FAM227B: variants seen among roughly 807,000 people sequenced by gnomAD.
FAM227B encodes protein FAM227B.
Under a neutral mutation model 73.8 loss-of-function variants are expected in FAM227B, and 88 were observed. That is an observed-to-expected ratio of 1.19 (90% CI 1.00 to 1.42). The LOEUF (loss-of-function observed/expected upper bound fraction) is 1.42. Among genes scored for constraint, FAM227B ranks in the 40% most tolerant of loss-of-function variants. The pLI is 0.00. For synonymous variants in FAM227B, 210 were observed against 190.5 expected, an observed-to-expected ratio of 1.10 and a Z score of -0.84; for missense variants, 632 against 590.9, an observed-to-expected ratio of 1.07 and a Z score of -0.72.
intron 11 of FAM227B, among the ~76,000 whole-genome samples, chr15:49,428,947 C>T (rs1170865234): frequency 6.6e-6 from 1 of 152,028 alleles, no homozygotes; most frequent in African/African-American, 2.4e-5. Context: ...CTGAATTTGA[C>T]TTTGGCTACA....
intron 11 of FAM227B, among the ~76,000 whole-genome samples, chr15:49,468,128 T>A (rs1376279599): frequency 6.6e-6 from 1 of 152,178 alleles, no homozygotes; most frequent in Non-Finnish European, 1.5e-5. Flanking sequence ...TCTTAATAAA[T>A]CCCTGAATGA....
intron 9 of FAM227B, among the ~76,000 whole-genome samples, chr15:49,550,365 C>T (rs1487286454): frequency 2.3e-4 from 34 of 147,638 alleles, no homozygotes; most frequent in Admixed American, 6.0e-4. Flanking sequence ...CCGGACGGGG[C>T]GGCTGGCCTG....
At chr15:49,590,039 TAA>T (rs2076430190) in intron 3 of FAM227B, 32 bp from the exon 4 acceptor site, 1 of 1,096,478 alleles carries the variant, frequency 9.1e-7, no homozygotes, top group Non-Finnish European at 1.4e-6. Flanking sequence ...GAATATAGCT[TAA>T]GTCATTTTTA....
chr15:49,355,062 A>G (rs1204085082), intron 13 of FAM227B, among the ~76,000 whole-genome samples: 2 of 150,932 alleles, frequency 1.3e-5, no homozygotes, highest in Admixed American at 6.6e-5. Context: ...ACAAACAGAA[A>G]GGACATCCAC....
Position 49,494,256 on chromosome 15 carries a change from A to AACACACACACAC in FAM227B, c.1012+13943_1012+13954dup, listed in dbSNP as rs374477211. ...CTATTGCCTTAGTGGGAGACACACA[A>AACACACACACAC]ACACACACACACACACACACACACA... On this transcript the variant is annotated intron_variant, in intron 11 of 15. Coordinates refer to ENST00000299338, the MANE Select transcript of FAM227B (RefSeq NM_152647.3). 2.6e-3 allele frequency among the ~76,000 whole-genome samples: 366 copies of AACACACACACAC among 140,710 alleles called. 1 individual carries two copies. Among genetic ancestry groups the AACACACACACAC allele is most frequent in the African/African-American group, 8.8e-3 (344 of 39,078 alleles). 92.3% of individuals were successfully genotyped at this position (140,710 alleles called of 152,430 possible).
chr15:49,333,293 CTT>C (rs2039133790), intron 14 of FAM227B, among the ~76,000 whole-genome samples: 1 of 152,128 alleles, frequency 6.6e-6, no homozygotes, highest in African/African-American at 2.4e-5. Flanking sequence ...ATGAGTATCT[CTT>C]TTGAAGATTA....
intron 13 of FAM227B, among the ~76,000 whole-genome samples, chr15:49,357,573 A>G (rs903914492): frequency 6.6e-6 from 1 of 151,478 alleles, no homozygotes; most frequent in Non-Finnish European, 1.5e-5. Flanking sequence ...CAATAACAGG[A>G]GCTGAAATTG....
intron 11 of FAM227B, among the ~76,000 whole-genome samples, chr15:49,455,262 C>T (rs1005912326): frequency 5.9e-5 from 9 of 152,046 alleles, no homozygotes; most frequent in Admixed American, 5.2e-4. Flanking sequence ...GTTAACAAAG[C>T]GGCCATGGTA....
At chr15:49,473,372 TAA>T (rs981009548) in intron 11 of FAM227B, among the ~76,000 whole-genome samples, 1 of 152,182 alleles carries the variant, frequency 6.6e-6, no homozygotes, top group African/African-American at 2.4e-5. Context: ...GAGTTAAATA[TAA>T]GTTATTAGAA....
chr15:49,574,283 C>A (rs1408450967), intron 8 of FAM227B, among the ~76,000 whole-genome samples: 2 of 151,990 alleles, frequency 1.3e-5, no homozygotes, highest in Non-Finnish European at 2.9e-5. Context: ...TATTGATTCC[C>A]AGATACCCCC....
At chr15:49,385,105 G>A (rs528131298) in intron 11 of FAM227B, among the ~76,000 whole-genome samples, 1 of 151,902 alleles carries the variant, frequency 6.6e-6, no homozygotes. Context: ...AAGGGTTTTG[G>A]AGGTTTGGAG....
chr15:49,427,949 A>T (rs962326652), intron 11 of FAM227B, among the ~76,000 whole-genome samples: 1 of 152,044 alleles, frequency 6.6e-6, no homozygotes, highest in Non-Finnish European at 1.5e-5. Flanking sequence ...TGAGGTTGTC[A>T]CTTACTTTAG....
rs561082878 is a variant in FAM227B, at chr15:49,405,748, C to T, written c.1013-34349G>A. 3.9e-5 allele frequency among the ~76,000 whole-genome samples: 6 copies of T among 152,272 alleles called. 1 individual carries two copies. The highest frequency in any genetic ancestry group is 1.4e-4 in the African/African-American group (6 of 41,560). ...TCCATATTCTGAATTCTATTTCTGT[C>T]ATTTCAGCCATCTCAGCCTGGTTCA... On this transcript the variant is annotated intron_variant, in intron 11 of 15. Coordinates refer to ENST00000299338, the MANE Select transcript of FAM227B (RefSeq NM_152647.3).
At chr15:49,403,922 T>C (rs1490906448) in intron 11 of FAM227B, among the ~76,000 whole-genome samples, 1 of 152,212 alleles carries the variant, frequency 6.6e-6, no homozygotes, top group Non-Finnish European at 1.5e-5. Context: ...CTCTTAACAC[T>C]GCCGTAGCTG....
intron 6 of FAM227B, 32 bp from the exon 7 acceptor site, chr15:49,576,877 A>C: frequency 3.1e-6 from 4 of 1,301,924 alleles, no homozygotes; most frequent in Non-Finnish European, 4.4e-6. Flanking sequence ...AGGAGAGTAA[A>C]TATTTCACTC....
Position 49,354,393 on chromosome 15 carries a change from C to T in FAM227B, c.1271+13055G>A, listed in dbSNP as rs868405982. Among the ~76,000 whole-genome samples, 1,142 of 152,218 alleles carry T rather than the reference C, an allele frequency of 7.5e-3. 12 individuals are homozygous for T. Among genetic ancestry groups the T allele is most frequent in the African/African-American group, 0.026 (1,077 of 41,538 alleles). ...GGCGCAGGTCAGTGGGTGCGCGCAC[C>T]GTGCGTGAGCCGAAGCAGGGCGAGG... On this transcript the variant is annotated intron_variant, in intron 13 of 15. Coordinates refer to ENST00000299338, the MANE Select transcript of FAM227B (RefSeq NM_152647.3).
At chr15:49,395,998 G>T in intron 11 of FAM227B, 1 of 455,992 alleles carries the variant, frequency 2.2e-6, no homozygotes, top group South Asian at 1.5e-5. Flanking sequence ...GAGGAGCCAA[G>T]ATGGCCAAAT....
chr15:49,605,133 C>A lies in FAM227B; in HGVS notation c.105+6082G>T, dbSNP rs9672323. Among the ~76,000 whole-genome samples the A allele has an allele frequency of 2.5e-3, 380 of 152,232 alleles. 2 individuals are homozygous for A. The highest frequency in any genetic ancestry group is 8.8e-3 in the African/African-American group (366 of 41,532). ...GATGTCTGCACATCTGAAGAACAGG[C>A]GCCTCTTCTGGGGGCTGGCTTCAGC... On this transcript the variant is annotated intron_variant, in intron 3 of 15. Transcript: ENST00000299338.
At chr15:49,531,914 A>G (rs1347706023) in intron 10 of FAM227B, among the ~76,000 whole-genome samples, 1 of 151,826 alleles carries the variant, frequency 6.6e-6, no homozygotes, top group Non-Finnish European at 1.5e-5. Flanking sequence ...TCCATTAATA[A>G]GTTTGTTACT....
Sources: allele counts gnomAD v4.1 joint callset (sites outside exome capture counted in the v4.1 genomes callset), GRCh38; gene constraint gnomAD v4.1.1; transcripts MANE v1.5; gene names NCBI Gene and HGNC (gene_info 2026-07-23, HGNC 2026-07-21).